The following SLC3A2 variants were observed in gnomAD, a reference collection of about 807,000 sequenced individuals.
SLC3A2 encodes amino acid transporter heavy chain SLC3A2.
Under a neutral mutation model 48.5 loss-of-function variants are expected in SLC3A2, and 32 were observed. The observed-to-expected ratio is 0.66, with a 90% CI of 0.50 to 0.89. The LOEUF (loss-of-function observed/expected upper bound fraction) is 0.89. Among genes scored for constraint, SLC3A2 ranks in the 40% least tolerant of loss-of-function variants. The pLI is 0.00. For synonymous variants in SLC3A2, 277 were observed against 288.8 expected (o/e 0.96, Z 0.41); for missense variants, 587 against 680.7 (o/e 0.86, Z 1.53).
At chr11:62,860,382 G>A (rs1160567206) in intron 1 of SLC3A2, among the ~76,000 whole-genome samples, 1 of 151,670 alleles carries the variant, frequency 6.6e-6, no homozygotes, top group Non-Finnish European at 1.5e-5. Context: ...GCGTGCGCCT[G>A]TAGTCCCAGC....
upstream of SLC3A2, among the ~76,000 whole-genome samples, chr11:62,879,170 C>T (rs556456393): frequency 6.6e-5 from 10 of 152,170 alleles, no homozygotes; most frequent in Admixed American, 3.9e-4. Context: ...TGGGTTCAAG[C>T]GATTCTCATG....
chr11:62,871,320 C>G (rs2085513910), intron 1 of SLC3A2, among the ~76,000 whole-genome samples: 1 of 150,358 alleles, frequency 6.7e-6, no homozygotes, highest in Admixed American at 6.7e-5. Flanking sequence ...CTCACTGCAA[C>G]CTCTGCCTCC....
At chr11:62,873,982 T>G (rs1388504884) in intron 1 of SLC3A2, among the ~76,000 whole-genome samples, 1 of 115,852 alleles carries the variant, frequency 8.6e-6, no homozygotes, top group Non-Finnish European at 1.8e-5. Context: ...TTTTTTTTTT[T>G]TTTTTTTTTT....
At chr11:62,874,031 T>C (rs1322648823) in intron 1 of SLC3A2, among the ~76,000 whole-genome samples, 1 of 141,894 alleles carries the variant, frequency 7.0e-6, no homozygotes, top group Non-Finnish European at 1.5e-5. Flanking sequence ...AAATAATTTA[T>C]GTAGATCTTC....
At chr11:62,883,322 TC>T (rs1381595287) in intron 3 of SLC3A2, 14 of 312,056 alleles carry the variant, frequency 4.5e-5, no homozygotes, top group Non-Finnish European at 8.6e-5. Context: ...GAGAATCCTG[TC>T]CTGACTGGTT....
intron 1 of SLC3A2, among the ~76,000 whole-genome samples, chr11:62,860,006 C>T (rs1298393943): frequency 6.6e-6 from 1 of 152,164 alleles, no homozygotes; most frequent in Non-Finnish European, 1.5e-5. Flanking sequence ...TGAGTTCCCT[C>T]AGTATTTATT....
chr11:62,868,989 C>G (rs1481516719), intron 1 of SLC3A2, among the ~76,000 whole-genome samples: 1 of 151,942 alleles, frequency 6.6e-6, no homozygotes, highest in Non-Finnish European at 1.5e-5. Flanking sequence ...ACTTCTGCCT[C>G]CCGTGTTCAA....
At chr11:62,882,600 T>C in intron 2 of SLC3A2, 1 of 327,588 alleles carries the variant, frequency 3.1e-6, no homozygotes, top group Non-Finnish European at 6.0e-6. Flanking sequence ...TTCTCGTGCC[T>C]CAGCCTCCTG....
intron 1 of SLC3A2, among the ~76,000 whole-genome samples, chr11:62,875,655 C>T (rs972223313): frequency 6.6e-6 from 1 of 152,194 alleles, no homozygotes; most frequent in Non-Finnish European, 1.5e-5. Flanking sequence ...CAACCTCTGC[C>T]TCCCAGGTTC....
chr11:62,882,372 G>A (rs202112031), intron 2 of SLC3A2: 2 of 323,056 alleles, frequency 6.2e-6, no homozygotes, highest in Non-Finnish European at 1.2e-5. Flanking sequence ...TGGGGGGGGG[G>A]AATCCCAAAT....
Position 62,881,905 on chromosome 11 carries a change from G to A in SLC3A2, c.437G>A (p.Arg146His), listed in dbSNP as rs530651178. The A allele has an allele frequency of 2.5e-6, 4 of 1,614,044 alleles. No homozygotes were observed. The highest frequency in any genetic ancestry group is 2.7e-5 in the African/African-American group (2 of 75,038). The change falls in exon 2 of 9, where the codon CGT becomes CAT. Residue 146 changes from arginine (R) to histidine (H), a missense_variant. Physicochemically the swap from Arg to His is conservative, Grantham distance 29. Around this residue, in one of 3 missense-constraint regions of SLC3A2, gnomAD observed 409 missense variants for 446.7 expected, o/e 0.92. Coordinates refer to ENST00000338663, the MANE Select transcript of SLC3A2 (RefSeq NM_001013251.3). The surrounding 1 kb of genome is among the most constrained non-coding windows in gnomAD (Gnocchi z 4.0). Reference sequence around the variant, plus strand: ...GCCCCCATTTCAGGTCTGAAGGGGCGTCTCGATTACCTGAGCTCTCTGAAG... The same window carrying A: ...GCCCCCATTTCAGGTCTGAAGGGGCATCTCGATTACCTGAGCTCTCTGAAG... ...GAGNLAGLKG[R>H]LDYLSSLKVK...
chr11:62,882,394 A>C, intron 2 of SLC3A2: 1 of 318,102 alleles, frequency 3.1e-6, no homozygotes, highest in Non-Finnish European at 5.9e-6. Context: ...TTGTTTTACG[A>C]CTCGATATAG....
Position 62,885,260 on chromosome 11 carries a change from GCTC to G in SLC3A2, c.903_905del (p.Ser301_Ser302delinsArg). On this transcript the variant is annotated inframe_deletion, in exon 6 of 9. Coordinates refer to ENST00000338663, the MANE Select transcript of SLC3A2 (RefSeq NM_001013251.3). ...TCCAACAAAGACTTGCTGTTGACTA[GCTC>G]ATACCTGTCTGATTCTGGTTCTACT... is the stretch of plus-strand genomic sequence containing the variant. 1 of 1,614,202 alleles carries G rather than the reference GCTC, an allele frequency of 6.2e-7. No individual in the cohort carries two copies. Among genetic ancestry groups the G allele is most frequent in the Non-Finnish European group, 8.5e-7 (1 of 1,180,044 alleles).
intron 1 of SLC3A2, among the ~76,000 whole-genome samples, chr11:62,858,936 G>A (rs1476866043): frequency 6.6e-6 from 1 of 152,304 alleles, no homozygotes; most frequent in East Asian, 1.9e-4. Flanking sequence ...TAGATGGAAC[G>A]TACAATCGGG....
intron 1 of SLC3A2, among the ~76,000 whole-genome samples, chr11:62,871,240 CTT>C (rs747198908): frequency 3.7e-4 from 44 of 118,440 alleles, no homozygotes; most frequent in Non-Finnish European, 3.5e-4. Context: ...TAGGGCTTAT[CTT>C]TTTTTTTTTT....
intron 1 of SLC3A2, chr11:62,871,751 A>G: frequency 2.1e-6 from 1 of 473,926 alleles, no homozygotes; most frequent in Non-Finnish European, 3.7e-6. Flanking sequence ...CTTTAAAGAT[A>G]TCTTTACTAT....
At chr11:62,884,370 T>G in intron 3 of SLC3A2, 87 bp from the exon 4 acceptor site, 1 of 1,400,818 alleles carries the variant, frequency 7.1e-7, no homozygotes, top group Non-Finnish European at 1.0e-6. Context: ...GGGAAGTGTG[T>G]GGTGGGTGAG....
chr11:62,864,615 C>T (rs2085433831), intron 1 of SLC3A2, among the ~76,000 whole-genome samples: 1 of 149,080 alleles, frequency 6.7e-6, no homozygotes, highest in South Asian at 2.1e-4. Flanking sequence ...TACAGGCGCC[C>T]ACCACCAAGT....
chr11:62,866,641 C>T (rs2134981410), intron 1 of SLC3A2, among the ~76,000 whole-genome samples: 1 of 152,262 alleles, frequency 6.6e-6, no homozygotes. Context: ...GGTGATCCGC[C>T]CTCCGCAGCC....
Sources: allele counts gnomAD v4.1 joint callset (sites outside exome capture counted in the v4.1 genomes callset), GRCh38; gene constraint gnomAD v4.1.1; regional missense constraint gnomAD v4.1.1; non-coding constraint Gnocchi (gnomAD v3.1); transcripts MANE v1.5; gene names NCBI Gene and HGNC (gene_info 2026-07-23, HGNC 2026-07-21).